PEX1: variants seen among roughly 807,000 people sequenced by gnomAD.
PEX1 encodes peroxisomal ATPase PEX1.
PEX1 carries 97 observed loss-of-function variants against 152.5 expected under a neutral mutation model. The ratio of observed to expected loss-of-function variants is 0.64; its 90% confidence interval spans 0.54 to 0.75. The LOEUF is 0.75. PEX1 is among the 30% of genes least tolerant of loss of function. PEX1 has a pLI of 0.00. For missense variants in PEX1, 1,357 were observed against 1,516.3 expected, an observed-to-expected ratio of 0.89 and a Z score of 1.74; for synonymous variants, 485 against 531.6, an observed-to-expected ratio of 0.91 and a Z score of 1.21.
Position 92,487,431 on chromosome 7 carries a change from A to C in PEX1, c.*26T>G. ...TGGAAAAGCCATCAAAAAACTTAAC[A>C]GAACCAAATCAAAAAGAAGTATATT... On this transcript the variant is annotated 3_prime_UTR_variant, in exon 24 of 24. Transcript: ENST00000248633. 2 of 1,300,082 alleles carry C rather than the reference A, an allele frequency of 1.5e-6. No individual in the cohort carries two copies. 80.5% of individuals were successfully genotyped at this position (1,300,082 alleles called of 1,614,324 possible). A position where few individuals can be genotyped will look rare whatever the true frequency, so the allele number is the denominator to read the frequency against.
intron 23 of PEX1, among the ~76,000 whole-genome samples, chr7:92,488,874 C>T (rs1443621533): frequency 1.3e-5 from 2 of 152,052 alleles, no homozygotes; most frequent in African/African-American, 2.4e-5. Flanking sequence ...GCTGGGACTA[C>T]AGGCACATGC....
At position 92,528,504 on chromosome 7, in the gene PEX1, G is replaced by C; in HGVS notation, c.-69C>G. ...AAGGACCCGGGACCCGGCAGGCCGAGGACGTCGGAGCCGGAGGAGATCGAT... is the reference window on the plus strand; with the variant it reads ...AAGGACCCGGGACCCGGCAGGCCGACGACGTCGGAGCCGGAGGAGATCGAT... On this transcript the variant is annotated 5_prime_UTR_variant, in exon 1 of 24. Coordinates refer to ENST00000248633, the MANE Select transcript of PEX1 (RefSeq NM_000466.3). The C allele has an allele frequency of 6.7e-7, 1 of 1,487,792 alleles. No homozygotes were observed. Among genetic ancestry groups the C allele is most frequent in the South Asian group, 1.3e-5 (1 of 76,314 alleles). 92.2% of individuals were successfully genotyped at this position (1,487,792 alleles called of 1,614,324 possible).
chr7:92,501,297 C>T (rs1370251458), intron 15 of PEX1, among the ~76,000 whole-genome samples: 1 of 152,122 alleles, frequency 6.6e-6, no homozygotes, highest in South Asian at 2.1e-4. Context: ...GCCTAGATGA[C>T]AGAGTGAGGT....
chr7:92,507,091 T>G lies in PEX1; in HGVS notation c.1706A>C (p.His569Pro), dbSNP rs745974765. The change falls in exon 10 of 24, where the codon CAC becomes CCC. Residue 569 changes from histidine to proline, a missense_variant. Coordinates refer to ENST00000248633, the MANE Select transcript of PEX1 (RefSeq NM_000466.3). ...VNSLGVSSLEHITHSLLGRPL... is the reference protein window; with the variant it reads ...VNSLGVSSLEPITHSLLGRPL... The stretch of plus-strand genomic sequence containing the variant: ...GCGTCCCAGGAGGCTGTGAGTGATG[T>G]GCTCCAAGGAGGATACGCCTAAGGA... The G allele has an allele frequency of 6.2e-7, 1 of 1,613,826 alleles. No homozygotes were observed. Among genetic ancestry groups the G allele is most frequent in the South Asian group, 1.1e-5 (1 of 91,076 alleles).
chr7:92,503,554 G>T (rs1347215587), intron 12 of PEX1, among the ~76,000 whole-genome samples: 1 of 152,142 alleles, frequency 6.6e-6, no homozygotes, highest in Non-Finnish European at 1.5e-5. Context: ...TGTATTGTTT[G>T]TTAAACAAAA....
Position 92,522,424 on chromosome 7 carries a change from TG to T in PEX1, c.130-180del, listed in dbSNP as rs71841826. On this transcript the variant is annotated intron_variant, in intron 1 of 23. Coordinates refer to ENST00000248633, the MANE Select transcript of PEX1 (RefSeq NM_000466.3). ...AATCATTTCCAACACCCAATGCTGG[TG>T]GATGCTAATGAAGCCAATACCCTTA... Among the ~76,000 whole-genome samples, 24,673 of 152,226 alleles carry T rather than the reference TG, an allele frequency of 0.16. 2,101 individuals carry two copies. Among genetic ancestry groups the T allele is most frequent in the East Asian group, 0.32 (1,645 of 5,178 alleles).
At chr7:92,507,640 C>CTTTTTTT (rs746005345) in intron 9 of PEX1, 2 of 128,648 alleles carry the variant, frequency 1.6e-5, no homozygotes, top group African/African-American at 2.9e-5. Context: ...TGACTTCAAG[C>CTTTTTTT]TTTTTTTTTT....
intron 1 of PEX1, among the ~76,000 whole-genome samples, 183 bp from the exon 2 acceptor site, chr7:92,522,428 T>C (rs1793092912): frequency 6.6e-6 from 1 of 152,220 alleles, no homozygotes; most frequent in South Asian, 2.1e-4. Context: ...TGCTGGTGGA[T>C]GCTAATGAAG....
At position 92,511,025 on chromosome 7, in the gene PEX1, A is replaced by G. The variant is rs1172220526; in HGVS notation, c.1506T>C (p.Ser502=). The change falls in exon 8 of 24, where the codon AGT becomes AGC. Residue 502 remains serine, a synonymous_variant. Transcript: ENST00000248633. ...TTTCTTTTTCCCAAGAATGAACTAT[A>G]CTCAGAGAAAATTCCTTCAGTCCTA... ...TKDGLKEFSL[S]IVHSWEKEKD... is the part of the protein sequence containing the mutation. 1.3e-6 allele frequency: 2 copies of G among 1,551,984 alleles called. No individual in the cohort carries two copies. Among genetic ancestry groups the G allele is most frequent in the Non-Finnish European group, 1.8e-6 (2 of 1,124,680 alleles).
At chr7:92,523,704 G>T (rs1404795778) in intron 1 of PEX1, among the ~76,000 whole-genome samples, 2 of 151,856 alleles carry the variant, frequency 1.3e-5, no homozygotes, top group East Asian at 3.9e-4. Context: ...GGTGGCATAC[G>T]CCTGTGGTCC....
intron 1 of PEX1, among the ~76,000 whole-genome samples, chr7:92,527,905 A>T (rs543888396): frequency 6.6e-6 from 1 of 152,252 alleles, no homozygotes; most frequent in Non-Finnish European, 1.5e-5. Context: ...GGGCTCCGCC[A>T]ACAACTCTGC....
Position 92,491,418 on chromosome 7 carries a change from C to T in PEX1, c.3292G>A (p.Gly1098Arg), listed in dbSNP as rs1310336882. 1.2e-6 allele frequency: 2 copies of T among 1,613,700 alleles called. No individual in the cohort carries two copies. Among genetic ancestry groups the T allele is most frequent in the Non-Finnish European group, 1.7e-6 (2 of 1,179,596 alleles). Reference sequence around the variant, plus strand: ...TGATCTAAGCCACATTCTCCATCTCCAGCTGAATCGTCAGAGCCACTGCTA... The same window carrying T: ...TGATCTAAGCCACATTCTCCATCTCTAGCTGAATCGTCAGAGCCACTGCTA... ...NHSSGSDDSA[G>R]DGECGLDQSL... The change falls in exon 21 of 24, where the codon GGA (glycine) becomes AGA (arginine). Residue 1098 changes from glycine to arginine, a missense_variant. Gly to Arg is a moderately radical substitution (Grantham distance 125). Transcript: ENST00000248633.
Position 92,517,915 on chromosome 7 carries a change from A to G in PEX1, c.600T>C (p.His200=). ...TTCCTTTCTGGTCTCTTCCATAACT[A>G]TGAAGTTTTTTATATTCAGCATCAG... ...SKADAEYKKL[H]SYGRDQKGMM... The change falls in exon 5 of 24, where the codon CAT becomes CAC. Residue 200 remains histidine, a synonymous_variant. Coordinates refer to ENST00000248633, the MANE Select transcript of PEX1 (RefSeq NM_000466.3). The G allele has an allele frequency of 6.3e-7, 1 of 1,577,454 alleles. No individual in the cohort carries two copies. Among genetic ancestry groups the G allele is most frequent in the Non-Finnish European group, 8.6e-7 (1 of 1,166,220 alleles).
At chr7:92,519,515 T>C (rs923921054) in intron 2 of PEX1, among the ~76,000 whole-genome samples, 1 of 152,192 alleles carries the variant, frequency 6.6e-6, no homozygotes, top group African/African-American at 2.4e-5. Flanking sequence ...CATCTCAGCA[T>C]GACATGTTTT....
chr7:92,493,616 G>A (rs1305554567), intron 19 of PEX1: 1 of 154,040 alleles, frequency 6.5e-6, no homozygotes, highest in Non-Finnish European at 1.4e-5. Context: ...TCCAGCCTGG[G>A]TGACAAAGTG....
intron 5 of PEX1, among the ~76,000 whole-genome samples, chr7:92,515,069 A>ATCTATCTATC (rs1454634179): frequency 0.012 from 4 of 338 alleles, no homozygotes; most frequent in South Asian, 0.1. Flanking sequence ...AAAATTATCT[A>ATCTATCTATC]TATATATATA....
intron 22 of PEX1, 27 bp from the exon 23 acceptor site, chr7:92,489,450 G>T (rs746919622): frequency 1.2e-6 from 2 of 1,603,946 alleles, no homozygotes; most frequent in Admixed American, 1.7e-5. Flanking sequence ...AATTGACGAA[G>T]AGTTAAATTA....
Position 92,491,395 on chromosome 7 carries a change from ATC to A in PEX1, c.3313_3314del (p.Asp1105SerfsTer15). On this transcript the variant is annotated frameshift_variant, in exon 21 of 24. Transcript: ENST00000248633. LOFTEE classifies it high-confidence loss of function. Reference protein sequence around the residue: ...DSAGDGECGLDQSLVSLEMSE... With the variant: ...DSAGDGECGLXQSLVSLEMSE... ...ACATCTCTAAAGAAACAAGGGACTGATCTAAGCCACATTCTCCATCTCCAGCT... is the reference window on the plus strand; with the variant it reads ...ACATCTCTAAAGAAACAAGGGACTGATAAGCCACATTCTCCATCTCCAGCT... The A allele has an allele frequency of 6.2e-7, 1 of 1,613,628 alleles. No homozygotes were observed. Among genetic ancestry groups the A allele is most frequent in the East Asian group, 2.2e-5 (1 of 44,872 alleles).
At chr7:92,496,348 T>C (rs1791652567) in intron 17 of PEX1, among the ~76,000 whole-genome samples, 1 of 152,088 alleles carries the variant, frequency 6.6e-6, no homozygotes, top group African/African-American at 2.4e-5. Flanking sequence ...ACTCTTGACT[T>C]ATAAGAGATA....
Sources: gnomAD v4.1 joint callset for allele counts (sites outside exome capture counted in the v4.1 genomes callset) on GRCh38, gnomAD v4.1.1 for gene constraint, MANE v1.5 for transcripts, NCBI Gene and HGNC (gene_info 2026-07-23, HGNC 2026-07-21) for gene names.